The following SHPRH variants were observed in gnomAD, a reference collection of about 807,000 sequenced individuals.
SHPRH encodes E3 ubiquitin-protein ligase SHPRH.
In SHPRH, 106 loss-of-function variants were observed where a neutral mutation model predicts 202.5. The ratio of observed to expected loss-of-function variants is 0.52; its 90% CI spans 0.45 to 0.62. The LOEUF (loss-of-function observed/expected upper bound fraction) is 0.62. Ranked by LOEUF, SHPRH falls within the 20% of genes least tolerant of loss-of-function variation. The pLI is 0.00. For synonymous variants in SHPRH, 729 were observed against 686.0 expected (o/e 1.06, Z -0.98); for missense variants, 1,710 against 2,020.0 (o/e 0.85, Z 2.94).
intron 25 of SHPRH, among the ~76,000 whole-genome samples, chr6:145,899,809 C>A (rs2084830355): frequency 6.6e-6 from 1 of 151,988 alleles, no homozygotes; most frequent in Non-Finnish European, 1.5e-5. Context: ...AACTCAACAG[C>A]AAGAAAACAA....
chr6:145,904,343 A>G (rs1003111058), intron 25 of SHPRH: 8 of 152,126 alleles, frequency 5.3e-5, no homozygotes, highest in African/African-American at 1.9e-4. Flanking sequence ...TTGATAATCA[A>G]CAGTAATATA....
chr6:145,879,910 C>CAAAA (rs67055862), downstream of SHPRH, among the ~76,000 whole-genome samples: 2 of 61,086 alleles, frequency 3.3e-5, no homozygotes, highest in South Asian at 5.5e-4. Flanking sequence ...AACTCAATCT[C>CAAAA]AAAAAAAAAA....
At chr6:145,951,485 C>T (rs1787974324) in intron 3 of SHPRH, among the ~76,000 whole-genome samples, 1 of 151,966 alleles carries the variant, frequency 6.6e-6, no homozygotes, top group Admixed American at 6.6e-5. Context: ...ATTATATAAT[C>T]TAAGATTAAT....
intron 13 of SHPRH, among the ~76,000 whole-genome samples, chr6:145,934,473 T>TAAATAAAATAAAATAAAATAAAATA (rs71552941): frequency 0.037 from 4,915 of 131,802 alleles, 431 homozygotes; most frequent in African/African-American, 0.14. Context: ...TCTCAAAAAA[T>TAAATAAAATAAAATAAAATAAAATA]AAATAAAATA....
chr6:145,945,171 T>C (rs902685604), intron 8 of SHPRH, among the ~76,000 whole-genome samples: 1 of 152,166 alleles, frequency 6.6e-6, no homozygotes, highest in Non-Finnish European at 1.5e-5. Context: ...CCAAGCATTA[T>C]TCTCTAGGTT....
intron 2 of SHPRH, among the ~76,000 whole-genome samples, chr6:145,870,428 A>T (rs187385051): frequency 0.015 from 2,240 of 151,494 alleles, 44 homozygotes; most frequent in African/African-American, 0.05. Flanking sequence ...CACCCAGCTA[A>T]TTTTTTTGTA....
chr6:145,899,862 A>C (rs1217864085), intron 25 of SHPRH, among the ~76,000 whole-genome samples: 1 of 152,170 alleles, frequency 6.6e-6, no homozygotes, highest in Non-Finnish European at 1.5e-5. Flanking sequence ...GATATTACTC[A>C]AAAGAAGACA....
At chr6:145,902,572 G>A in intron 25 of SHPRH, among the ~76,000 whole-genome samples, 1 of 152,026 alleles carries the variant, frequency 6.6e-6, no homozygotes, top group East Asian at 1.9e-4. Flanking sequence ...AGAATGAGAT[G>A]ACCTATTTTA....
rs920321728 is a variant in SHPRH, at chr6:145,922,229, T to A, written c.3782+57A>T. ...AAAACATAGTCTTATATCACATAAC[T>A]GAGTCTTGCAAAATGTTTCATTTTC... On this transcript the variant is annotated intron_variant, in intron 20 of 29. Coordinates refer to ENST00000275233, the MANE Select transcript of SHPRH (RefSeq NM_001042683.3). 11 of 1,464,596 alleles carry A rather than the reference T, an allele frequency of 7.5e-6. No homozygotes were observed. In the Admixed American group the frequency reaches 2.2e-4, roughly 30 times the overall value. 90.7% of individuals were successfully genotyped at this position (1,464,596 alleles called of 1,614,324 possible). A position where few individuals can be genotyped will look rare whatever the true frequency, so the allele number is the denominator to read the frequency against.
chr6:145,863,234 C>T (rs1779641146), downstream of SHPRH, among the ~76,000 whole-genome samples: 1 of 152,140 alleles, frequency 6.6e-6, no homozygotes, highest in African/African-American at 2.4e-5. Flanking sequence ...GTAAAGGAGA[C>T]TAGATGATAC....
chr6:145,946,375 T>C lies in SHPRH; in HGVS notation c.1213-34A>G, dbSNP rs1376093182. On this transcript the variant is annotated intron_variant, in intron 6 of 29. Coordinates refer to ENST00000275233, the MANE Select transcript of SHPRH (RefSeq NM_001042683.3). ...AACAACAGTCAGTAGTTACACAGTG[T>C]TTTGCTTTCAGTATTCTGAATTGCT... is the stretch of plus-strand genomic sequence containing the variant. 4 of 1,518,922 alleles carry C rather than the reference T, an allele frequency of 2.6e-6. No individual in the cohort carries two copies. The South Asian group carries it at 3.7e-5, about 14-fold the overall frequency. 94.1% of individuals were successfully genotyped at this position (1,518,922 alleles called of 1,614,324 possible).
At chr6:145,927,526 T>A (rs1264939971) in intron 14 of SHPRH, among the ~76,000 whole-genome samples, 1 of 151,818 alleles carries the variant, frequency 6.6e-6, no homozygotes, top group Non-Finnish European at 1.5e-5. Context: ...AAAATTATAC[T>A]GAAATATGTT....
intron 2 of SHPRH, among the ~76,000 whole-genome samples, chr6:145,864,932 AACACACACACTCACACACACAC>A (rs1779705559): frequency 7.5e-6 from 1 of 133,856 alleles, no homozygotes; most frequent in African/African-American, 2.7e-5. Flanking sequence ...AAAATTTATA[AACACACACACTCACACACACAC>A]ACACACACAC....
downstream of SHPRH, among the ~76,000 whole-genome samples, chr6:145,860,251 C>A (rs1779535639): frequency 6.6e-6 from 1 of 151,728 alleles, no homozygotes; most frequent in African/African-American, 2.4e-5. Flanking sequence ...TGTAGAAAAT[C>A]CTAAAGGTGC....
chr6:145,893,914 T>TA (rs562640396), intron 27 of SHPRH, among the ~76,000 whole-genome samples: 141 of 140,482 alleles, frequency 1.0e-3, no homozygotes, highest in South Asian at 4.3e-3. Flanking sequence ...TTTCCTGTAC[T>TA]AAAAAAAAAA....
Position 145,941,890 on chromosome 6 carries a change from T to C in SHPRH, c.2239-16A>G, listed in dbSNP as rs1229238955. On this transcript the variant is annotated splice_polypyrimidine_tract_variant and intron_variant, in intron 9 of 29. Transcript: ENST00000275233. Reference sequence around the variant, plus strand: ...CTTGATATACCTAGGAAATAATCAATACAGGCAGTTATTGCAAAAAGGCTC... The same window carrying C: ...CTTGATATACCTAGGAAATAATCAACACAGGCAGTTATTGCAAAAAGGCTC... 1.1e-5 allele frequency: 17 copies of C among 1,609,838 alleles called. No homozygotes were observed. Among genetic ancestry groups the C allele is most frequent in the Non-Finnish European group, 1.4e-5 (17 of 1,177,538 alleles).
chr6:145,948,417 A>G, intron 4 of SHPRH, 67 bp from the exon 5 acceptor site: 1 of 1,259,714 alleles, frequency 7.9e-7, no homozygotes, highest in South Asian at 1.3e-5. Flanking sequence ...CACATTAAAA[A>G]AAGAATAGGT....
chr6:145,951,966 CCAGGCT>C (rs1161497881), intron 3 of SHPRH: 3 of 442,684 alleles, frequency 6.8e-6, no homozygotes, highest in Non-Finnish European at 1.4e-5. Flanking sequence ...TTTATGGGAA[CCAGGCT>C]TTTGAAATTA....
chr6:145,944,331 A>G (rs1787128552), intron 8 of SHPRH, among the ~76,000 whole-genome samples: 1 of 152,214 alleles, frequency 6.6e-6, no homozygotes, highest in South Asian at 2.1e-4. Context: ...AGGGACACAA[A>G]TATGAACAAT....
Sources: gnomAD v4.1 joint callset for allele counts (sites outside exome capture counted in the v4.1 genomes callset) on GRCh38, gnomAD v4.1.1 for gene constraint, MANE v1.5 for transcripts, NCBI Gene and HGNC (gene_info 2026-07-23, HGNC 2026-07-21) for gene names.